Variants in ZDHHC15 observed in about 807,000 individuals in gnomAD.
ZDHHC15 encodes zDHHC palmitoyltransferase 15.
In ZDHHC15, 19 loss-of-function variants were observed where a neutral mutation model predicts 31.7. That is an observed-to-expected ratio of 0.60 (90% CI 0.42 to 0.88). The LOEUF is 0.88. Ranked by LOEUF, ZDHHC15 falls within the 40% of genes least tolerant of loss-of-function variation. The pLI is 0.00. For missense variants in ZDHHC15, 209 were observed against 251.2 expected, an observed-to-expected ratio of 0.83 and a Z score of 1.14; for synonymous variants, 103 against 90.0, an observed-to-expected ratio of 1.14 and a Z score of -0.82.
At chrX:75,470,262 C>T (rs1016659861) in intron 3 of ZDHHC15, among the ~76,000 whole-genome samples, 1 of 111,719 alleles carries the variant, frequency 9.0e-6, no homozygotes, top group Non-Finnish European at 1.9e-5. Context: ...AAGCTGGAGC[C>T]TTCCTGCCCT....
intron 2 of ZDHHC15, among the ~76,000 whole-genome samples, chrX:75,489,838 C>T (rs1487002893): frequency 9.0e-6 from 1 of 111,434 alleles, no homozygotes; most frequent in South Asian, 3.8e-4. Context: ...AGTTAAAAAC[C>T]TTGAAACAAA....
rs778754202 is a variant in ZDHHC15, at chrX:75,441,619, T to C, written c.379+9183A>G. ...CTTTCCTGGTATGTTCCTGTGGTAG[T>C]TCTTTTTTTTTTTTTTTTTCCTGAG... On this transcript the variant is annotated intron_variant, in intron 4 of 11. Coordinates refer to ENST00000373367, the MANE Select transcript of ZDHHC15 (RefSeq NM_144969.3). 1.6e-3 allele frequency among the ~76,000 whole-genome samples: 169 copies of C among 102,545 alleles called. 1 individual carries two copies. Among genetic ancestry groups the C allele is most frequent in the African/African-American group, 5.5e-3 (153 of 27,808 alleles). The allele number at this position is 102,545 out of a possible 115,157, so 89.0% of individuals were successfully genotyped here.
rs758240832 is a variant in ZDHHC15, at chrX:75,407,976, C to T, written c.967+9111G>A. ...AGGGTTAAATGGATTAAGGGCGGTGCAAGATGTGCTTTGTTAAACAGATGC... is the reference window on the plus strand; with the variant it reads ...AGGGTTAAATGGATTAAGGGCGGTGTAAGATGTGCTTTGTTAAACAGATGC... On this transcript the variant is annotated intron_variant, in intron 10 of 11. Transcript: ENST00000373367. Among the ~76,000 whole-genome samples, 15 of 110,698 alleles carry T rather than the reference C, an allele frequency of 1.4e-4. No homozygotes were observed. The South Asian group carries it at 5.9e-3, about 44-fold the overall frequency.
chrX:75,414,493 G>A (rs775830946), intron 10 of ZDHHC15, among the ~76,000 whole-genome samples: 6 of 98,135 alleles, frequency 6.1e-5, no homozygotes, highest in Admixed American at 3.5e-4. Flanking sequence ...GCAGCGGCGC[G>A]ATCTCGGCTC....
At chrX:75,474,573 T>TACACACACACACACAC (rs375925139) in intron 3 of ZDHHC15, among the ~76,000 whole-genome samples, 39 of 64,251 alleles carry the variant, frequency 6.1e-4, no homozygotes, top group East Asian at 5.3e-3. Flanking sequence ...ATCCCCTTTA[T>TACACACACACACACAC]ACACACACAC....
At chrX:75,384,288 T>C (rs2083156174) in intron 10 of ZDHHC15, 2 of 575,894 alleles carry the variant, frequency 3.5e-6, no homozygotes, top group Non-Finnish European at 6.0e-6. Flanking sequence ...AATTCCTATA[T>C]AGAAAGCTGG....
chrX:75,420,781 A>C (rs2083616972), intron 9 of ZDHHC15, among the ~76,000 whole-genome samples: 2 of 110,665 alleles, frequency 1.8e-5, no homozygotes, highest in Non-Finnish European at 3.8e-5. Flanking sequence ...AGGGAGGGGA[A>C]CATCACACAC....
intron 2 of ZDHHC15, among the ~76,000 whole-genome samples, chrX:75,500,589 G>A (rs2085073561): frequency 2.8e-5 from 3 of 108,864 alleles, no homozygotes; most frequent in African/African-American, 9.9e-5. Flanking sequence ...GAAGATAACT[G>A]GAAATTTTCA....
At chrX:75,490,710 C>T (rs1440597872) in intron 2 of ZDHHC15, among the ~76,000 whole-genome samples, 4 of 111,098 alleles carry the variant, frequency 3.6e-5, no homozygotes, top group Admixed American at 9.6e-5. Context: ...CTTTCACGTC[C>T]GTTGTAAGTT....
chrX:75,490,513 T>C (rs1403010856), intron 2 of ZDHHC15, among the ~76,000 whole-genome samples: 3 of 111,665 alleles, frequency 2.7e-5, no homozygotes, highest in Non-Finnish European at 5.6e-5. Flanking sequence ...AGTAGTTTTT[T>C]CCAATTCTGT....
intron 11 of ZDHHC15, among the ~76,000 whole-genome samples, chrX:75,375,775 T>C (rs182400732): frequency 2.7e-5 from 3 of 112,361 alleles, no homozygotes; most frequent in East Asian, 2.8e-4. Context: ...ATCCATCATA[T>C]ACATGTACCA....
chrX:75,400,739 T>C (rs955003867), intron 10 of ZDHHC15, among the ~76,000 whole-genome samples: 6 of 110,525 alleles, frequency 5.4e-5, no homozygotes, highest in African/African-American at 2.0e-4. Context: ...CCAGAAAGGG[T>C]AGGTCACCTT....
At chrX:75,474,829 G>A (rs1312579035) in intron 3 of ZDHHC15, among the ~76,000 whole-genome samples, 2 of 110,234 alleles carry the variant, frequency 1.8e-5, no homozygotes, top group East Asian at 5.7e-4. Flanking sequence ...AGGCCGAGAC[G>A]GGTGGATCAT....
At chrX:75,500,504 C>T (rs1263351591) in intron 2 of ZDHHC15, among the ~76,000 whole-genome samples, 2 of 108,517 alleles carry the variant, frequency 1.8e-5, no homozygotes, top group African/African-American at 6.6e-5. Context: ...TATGTGAATG[C>T]AAAGAAAAAG....
At chrX:75,450,405 T>C (rs1348552259) in intron 4 of ZDHHC15, among the ~76,000 whole-genome samples, 1 of 111,800 alleles carries the variant, frequency 8.9e-6, no homozygotes, top group Non-Finnish European at 1.9e-5. Context: ...CTTAAGATTA[T>C]GCATGTTTTT....
At chrX:75,383,148 C>T (rs1177667209) in intron 10 of ZDHHC15, among the ~76,000 whole-genome samples, 1 of 111,897 alleles carries the variant, frequency 8.9e-6, no homozygotes, top group African/African-American at 3.2e-5. Flanking sequence ...CTGTCACTTG[C>T]TAGCTGTGTG....
intron 2 of ZDHHC15, among the ~76,000 whole-genome samples, chrX:75,487,769 G>T (rs1040842363): frequency 9.0e-6 from 1 of 111,406 alleles, no homozygotes; most frequent in Non-Finnish European, 1.9e-5. Context: ...CCAGCTTAAA[G>T]AAATTAAAAA....
intron 10 of ZDHHC15, among the ~76,000 whole-genome samples, chrX:75,391,084 C>T (rs994357203): frequency 2.7e-5 from 3 of 111,394 alleles, no homozygotes; most frequent in Non-Finnish European, 3.8e-5. Context: ...TGAATACTGA[C>T]GAATGCAAAA....
At chrX:75,505,914 A>AGAG in intron 1 of ZDHHC15, 67 bp from the exon 2 acceptor site, 7 of 986,271 alleles carry the variant, frequency 7.1e-6, no homozygotes, top group Non-Finnish European at 8.6e-6. Flanking sequence ...AGAGAGAGAG[A>AGAG]AATTAGTTAT....
Sources: allele counts gnomAD v4.1 joint callset (sites outside exome capture counted in the v4.1 genomes callset), GRCh38; gene constraint gnomAD v4.1.1; transcripts MANE v1.5; gene names NCBI Gene and HGNC (gene_info 2026-07-23, HGNC 2026-07-21).